The following PCDH11X variants were observed in gnomAD, a reference collection of about 807,000 sequenced individuals.
The protein encoded by PCDH11X is protocadherin-11 X-linked.
A neutral mutation model predicts 53.3 loss-of-function variants in PCDH11X; 18 were observed. That is an observed-to-expected ratio of 0.34 (90% CI 0.23 to 0.50). PCDH11X has a LOEUF of 0.50. Ranked by LOEUF, PCDH11X falls within the 20% of genes least tolerant of loss-of-function variation. The probability of loss-of-function intolerance (pLI) is 0.98; values close to 1 mark genes in which losing one functional copy is unlikely to be tolerated. For synonymous variants in PCDH11X, 279 were observed against 393.3 expected (o/e 0.71, Z 3.44); for missense variants, 570 against 1,032.4 (o/e 0.55, Z 6.14).
At chrX:91,919,224 A>T (rs1485861233) in intron 6 of PCDH11X, among the ~76,000 whole-genome samples, 3 of 111,401 alleles carry the variant, frequency 2.7e-5, no homozygotes, top group Non-Finnish European at 3.8e-5. Flanking sequence ...AGGTGAGCCA[A>T]TCACTACCAA....
chrX:92,516,357 G>A (rs1368970694), intron 10 of PCDH11X, among the ~76,000 whole-genome samples: 1 of 112,364 alleles, frequency 8.9e-6, no homozygotes, highest in African/African-American at 3.2e-5. Flanking sequence ...TCTGTGAAAT[G>A]TACTGGTGAA....
At chrX:91,924,670 A>G (rs985940408) in intron 6 of PCDH11X, among the ~76,000 whole-genome samples, 1 of 111,878 alleles carries the variant, frequency 8.9e-6, no homozygotes, top group African/African-American at 3.2e-5. Flanking sequence ...GCATCTATCT[A>G]GAATCTATTG....
intron 6 of PCDH11X, among the ~76,000 whole-genome samples, chrX:92,046,945 C>T (rs943389887): frequency 6.1e-4 from 59 of 97,342 alleles, no homozygotes; most frequent in Non-Finnish European, 1.1e-3. Context: ...GTATAGATTT[C>T]CCTTTGAGCT....
chrX:92,412,509 GTATATATATATATATATATATATATA>G (rs748836273), intron 9 of PCDH11X, among the ~76,000 whole-genome samples: 3 of 64,434 alleles, frequency 4.7e-5, no homozygotes, highest in East Asian at 7.6e-4. Flanking sequence ...AAAGAAAATA[GTATATATATATATATATATATATATA>G]TATATATATA....
intron 6 of PCDH11X, among the ~76,000 whole-genome samples, chrX:92,078,924 G>A (rs1189100911): frequency 9.1e-6 from 1 of 110,170 alleles, no homozygotes; most frequent in Non-Finnish European, 1.9e-5. Context: ...CTTGTTTATT[G>A]TTCAATTCCC....
intron 6 of PCDH11X, among the ~76,000 whole-genome samples, chrX:91,934,606 G>A (rs2563227): frequency 0.46 from 47,493 of 104,212 alleles, 8,758 homozygotes; most frequent in East Asian, 0.64. Context: ...CACCTTATCC[G>A]ATTCTTCAAA....
At position 92,014,331 on chromosome X, in the gene PCDH11X, TGA is replaced by T. The variant is rs1468013131; in HGVS notation, c.3033+135061_3033+135062del. On this transcript the variant is annotated intron_variant, in intron 6 of 10. Coordinates refer to ENST00000682573, the MANE Select transcript of PCDH11X (RefSeq NM_032968.5). ...AGAGAAATGCAAGTCAAAATGACAA[TGA>T]GATACCATCTCACACCAGTTAGAAT... Among the ~76,000 whole-genome samples the T allele has an allele frequency of 3.6e-5, 4 of 111,525 alleles. No individual in the cohort carries two copies. The Admixed American group carries it at 3.8e-4, about 11-fold the overall frequency.
At chrX:92,220,945 A>G (rs999790572) in intron 7 of PCDH11X, among the ~76,000 whole-genome samples, 9 of 104,728 alleles carry the variant, frequency 8.6e-5, no homozygotes, top group African/African-American at 3.1e-4. Context: ...AAACTATCAC[A>G]AGAACAAAAA....
At chrX:92,367,321 C>CT (rs2070498140) in intron 8 of PCDH11X, among the ~76,000 whole-genome samples, 1 of 111,457 alleles carries the variant, frequency 9.0e-6, no homozygotes, top group African/African-American at 3.3e-5. Context: ...GCAACCCCTG[C>CT]TTTTTTTCTT....
At chrX:92,147,851 C>CTTTCTTTCTTTCT (rs1410054680) in intron 6 of PCDH11X, among the ~76,000 whole-genome samples, 1 of 95,264 alleles carries the variant, frequency 1.0e-5, no homozygotes, top group Admixed American at 1.2e-4. Context: ...TTCTTTCTTT[C>CTTTCTTTCTTTCT]TTTTTTCTTT....
chrX:92,328,129 G>T (rs1046446803), intron 8 of PCDH11X, among the ~76,000 whole-genome samples: 2 of 111,116 alleles, frequency 1.8e-5, no homozygotes, highest in African/African-American at 6.5e-5. Context: ...TGATACTTAA[G>T]AAATAGAACA....
At chrX:92,409,659 T>A (rs1367731082) in intron 9 of PCDH11X, among the ~76,000 whole-genome samples, 1 of 112,219 alleles carries the variant, frequency 8.9e-6, no homozygotes, top group African/African-American at 3.2e-5. Flanking sequence ...ACCTTGTGGT[T>A]TATAAAATTG....
chrX:92,147,855 T>A (rs200664183), intron 6 of PCDH11X, among the ~76,000 whole-genome samples: 1 of 22,354 alleles, frequency 4.5e-5, no homozygotes, highest in African/African-American at 7.8e-5. Flanking sequence ...TTCTTTCTTT[T>A]TTCTTTTCTC....
At chrX:92,118,731 CTTTTTTTTTTTTTT>C (rs199880924) in intron 6 of PCDH11X, among the ~76,000 whole-genome samples, 5,710 of 45,545 alleles carry the variant, frequency 0.13, 384 homozygotes, top group East Asian at 0.54. Context: ...ATAATGCAGT[CTTTTTTTTTTTTTT>C]TTTTTTTTTT....
At chrX:92,080,108 C>G (rs763233311) in intron 6 of PCDH11X, among the ~76,000 whole-genome samples, 1 of 111,230 alleles carries the variant, frequency 9.0e-6, no homozygotes, top group African/African-American at 3.3e-5. Flanking sequence ...CTTGGCCCAG[C>G]ATGCTGGCTC....
intron 6 of PCDH11X, among the ~76,000 whole-genome samples, chrX:92,187,718 T>C (rs2066123576): frequency 8.9e-6 from 1 of 112,046 alleles, no homozygotes; most frequent in South Asian, 3.7e-4. Flanking sequence ...TTCCTGAAAA[T>C]TTGATTTAGA....
chrX:92,050,371 A>G (rs1394658801), intron 6 of PCDH11X, among the ~76,000 whole-genome samples: 1 of 106,393 alleles, frequency 9.4e-6, no homozygotes, highest in African/African-American at 3.4e-5. Flanking sequence ...AAAGGATAGT[A>G]GAATGATTTT....
chrX:92,319,117 T>A (rs2069142826), intron 8 of PCDH11X, among the ~76,000 whole-genome samples: 1 of 111,988 alleles, frequency 8.9e-6, no homozygotes, highest in South Asian at 3.7e-4. Context: ...TTTCATTCTC[T>A]ATCAAAACGT....
chrX:92,263,952 A>G (rs1472065227), intron 8 of PCDH11X, among the ~76,000 whole-genome samples: 1 of 112,168 alleles, frequency 8.9e-6, no homozygotes, highest in Non-Finnish European at 1.9e-5. Flanking sequence ...TTTCCCTTAA[A>G]TTTCTGACAG....
Sources: gnomAD v4.1 joint callset for allele counts (sites outside exome capture counted in the v4.1 genomes callset) on GRCh38, gnomAD v4.1.1 for gene constraint, MANE v1.5 for transcripts, NCBI Gene and HGNC (gene_info 2026-07-23, HGNC 2026-07-21) for gene names.